The following KDM4C variants were observed in gnomAD, a reference collection of about 807,000 sequenced individuals.
KDM4C encodes the protein lysine-specific demethylase 4C.
A neutral mutation model predicts 129.3 loss-of-function variants in KDM4C; 81 were observed. The ratio of observed to expected loss-of-function variants is 0.63; its 90% confidence interval spans 0.52 to 0.75. KDM4C has a LOEUF of 0.75. KDM4C is among the 30% of genes least tolerant of loss of function. The probability of loss-of-function intolerance (pLI) is 0.00; values close to 1 mark genes in which losing one functional copy is unlikely to be tolerated. For missense variants in KDM4C, 1,457 were observed against 1,304.0 expected (o/e 1.12, Z -1.81); for synonymous variants, 573 against 456.1 (o/e 1.26, Z -3.26).
At chr9:6,931,126 C>G (rs10815482) in intron 8 of KDM4C, among the ~76,000 whole-genome samples, 1 of 151,302 alleles carries the variant, frequency 6.6e-6, no homozygotes, top group African/African-American at 2.4e-5. Context: ...CTTCTCACCC[C>G]CCCCACACAA....
intron 8 of KDM4C, among the ~76,000 whole-genome samples, chr9:6,894,893 A>G (rs537929883): frequency 2.0e-4 from 31 of 152,314 alleles, no homozygotes; most frequent in African/African-American, 7.5e-4. Flanking sequence ...TATTCTTCAT[A>G]TATAAATTAG....
At chr9:6,998,434 G>C (rs1413559982) in intron 12 of KDM4C, among the ~76,000 whole-genome samples, 1 of 152,196 alleles carries the variant, frequency 6.6e-6, no homozygotes, top group African/African-American at 2.4e-5. Context: ...ATCTCAGGAA[G>C]TCCCGTTTGA....
chr9:7,049,513 T>G (rs184326680), intron 17 of KDM4C, among the ~76,000 whole-genome samples: 1 of 152,152 alleles, frequency 6.6e-6, no homozygotes, highest in Non-Finnish European at 1.5e-5. Context: ...CTGAGCCATC[T>G]AACTCTATTT....
intron 11 of KDM4C, among the ~76,000 whole-genome samples, chr9:6,989,144 A>G (rs1411024940): frequency 6.6e-6 from 1 of 152,242 alleles, no homozygotes; most frequent in African/African-American, 2.4e-5. Flanking sequence ...TATTATAAAC[A>G]TAGATAGCTG....
chr9:6,806,994 C>A (rs914615512), intron 3 of KDM4C, among the ~76,000 whole-genome samples: 1 of 152,204 alleles, frequency 6.6e-6, no homozygotes, highest in African/African-American at 2.4e-5. Flanking sequence ...ACTGCAACCT[C>A]CCTGCCTGAT....
At chr9:6,913,119 T>G (rs1819629599) in intron 8 of KDM4C, among the ~76,000 whole-genome samples, 1 of 152,250 alleles carries the variant, frequency 6.6e-6, no homozygotes, top group African/African-American at 2.4e-5. Context: ...ACGATGGTTT[T>G]AGTTCTGTGT....
At position 7,085,921 on chromosome 9, in the gene KDM4C, C is replaced by T. The variant is rs147366238; in HGVS notation, c.2425-17764C>T. 2.3e-3 allele frequency among the ~76,000 whole-genome samples: 348 copies of T among 152,088 alleles called. 2 individuals are homozygous for T. Among genetic ancestry groups the T allele is most frequent in the African/African-American group, 8.0e-3 (331 of 41,490 alleles). On this transcript the variant is annotated intron_variant, in intron 17 of 21. Transcript: ENST00000381309. ...CTGTAATCCCAGCACTTTGGGAGGC[C>T]GAGGCAGGTGGATCGCCTGAAGTCA...
At chr9:7,110,077 G>A (rs939084332) in intron 18 of KDM4C, among the ~76,000 whole-genome samples, 7 of 152,282 alleles carry the variant, frequency 4.6e-5, no homozygotes, top group East Asian at 3.9e-4. Flanking sequence ...AGTCTCAGGC[G>A]GTTCTTTATA....
chr9:6,750,296 G>T (rs1818025226), intron 1 of KDM4C, among the ~76,000 whole-genome samples: 1 of 151,864 alleles, frequency 6.6e-6, no homozygotes, highest in African/African-American at 2.4e-5. Flanking sequence ...AAAATTATCT[G>T]GGCATGGTGG....
chr9:7,123,347 C>A, intron 18 of KDM4C, among the ~76,000 whole-genome samples: 1 of 152,248 alleles, frequency 6.6e-6, no homozygotes, highest in Non-Finnish European at 1.5e-5. Flanking sequence ...TATTCCCTTC[C>A]GCTACCCACA....
intron 4 of KDM4C, among the ~76,000 whole-genome samples, chr9:6,830,819 A>T (rs1262823910): frequency 1.3e-5 from 2 of 152,224 alleles, no homozygotes; most frequent in African/African-American, 2.4e-5. Context: ...GCCATGTGTT[A>T]TGAGAGTGTG....
At chr9:6,837,747 AATT>A (rs1300132585) in intron 4 of KDM4C, among the ~76,000 whole-genome samples, 1 of 151,676 alleles carries the variant, frequency 6.6e-6, no homozygotes, top group Non-Finnish European at 1.5e-5. Context: ...ATATTTGTTG[AATT>A]ATTTGCTCTA....
chr9:7,075,459 A>C (rs1408377904), intron 17 of KDM4C, among the ~76,000 whole-genome samples: 1 of 152,074 alleles, frequency 6.6e-6, no homozygotes, highest in African/African-American at 2.4e-5. Context: ...TGTATGGGTT[A>C]AGTCCTCACT....
intron 17 of KDM4C, among the ~76,000 whole-genome samples, chr9:7,052,031 T>C (rs556554296): frequency 8.5e-5 from 13 of 152,184 alleles, no homozygotes; most frequent in African/African-American, 3.1e-4. Flanking sequence ...AGCGAAGATA[T>C]AGACAGAAAG....
chr9:6,915,921 C>T (rs1820230352), intron 8 of KDM4C, among the ~76,000 whole-genome samples: 1 of 152,182 alleles, frequency 6.6e-6, no homozygotes, highest in African/African-American at 2.4e-5. Context: ...GAATTAATGA[C>T]AGGCTGGGCT....
intron 12 of KDM4C, among the ~76,000 whole-genome samples, chr9:6,996,242 G>A (rs1287510505): frequency 2.6e-5 from 4 of 152,130 alleles, no homozygotes; most frequent in African/African-American, 7.2e-5. Context: ...CACTTTAATC[G>A]TGCTGACGCC....
rs761312060 is a variant in KDM4C, at chr9:6,810,149, C to G, written c.320+4375C>G. On this transcript the variant is annotated intron_variant, in intron 3 of 21. Coordinates refer to ENST00000381309, the MANE Select transcript of KDM4C (RefSeq NM_015061.6). ...AGAAACTTTGATCATCCTCTCTAGC[C>G]CATTTGATTATTTCAGCATGGTATC... Among the ~76,000 whole-genome samples, 146 of 152,170 alleles carry G rather than the reference C, an allele frequency of 9.6e-4. 1 individual carries two copies. The Middle Eastern group carries it at 0.01, about 11-fold the overall frequency.
chr9:6,736,668 T>C (rs1202216901), intron 1 of KDM4C, among the ~76,000 whole-genome samples: 1 of 152,124 alleles, frequency 6.6e-6, no homozygotes, highest in African/African-American at 2.4e-5. Context: ...TGTGATTCTA[T>C]ACCTAAAAAA....
chr9:6,970,247 T>C (rs780623881), intron 8 of KDM4C, among the ~76,000 whole-genome samples: 6 of 152,234 alleles, frequency 3.9e-5, no homozygotes, highest in Non-Finnish European at 8.8e-5. Context: ...TGGTTTCTTA[T>C]GAATAAAATA....
Sources: allele counts gnomAD v4.1 joint callset (sites outside exome capture counted in the v4.1 genomes callset), GRCh38; gene constraint gnomAD v4.1.1; transcripts MANE v1.5; gene names NCBI Gene and HGNC (gene_info 2026-07-23, HGNC 2026-07-21).